The following OCA2 variants were observed in gnomAD, a reference collection of about 807,000 sequenced individuals.
OCA2 encodes the protein OCA2 melanosomal transmembrane protein.
OCA2 carries 77 observed loss-of-function variants against 100.2 expected under a neutral mutation model. The ratio of observed to expected loss-of-function variants is 0.77; its 90% CI spans 0.64 to 0.93. The LOEUF (loss-of-function observed/expected upper bound fraction) is 0.93, where lower values mean the gene tolerates loss of function less well. Ranked by LOEUF, OCA2 falls within the 40% of genes least tolerant of loss-of-function variation. The pLI is 0.00. For missense variants in OCA2, 1,062 were observed against 1,089.1 expected (o/e 0.98, Z 0.35); for synonymous variants, 432 against 439.2 (o/e 0.98, Z 0.21).
downstream of OCA2, among the ~76,000 whole-genome samples, chr15:27,753,612 A>C (rs1052571171): frequency 1.4e-4 from 22 of 151,918 alleles, no homozygotes; most frequent in East Asian, 1.4e-3. Flanking sequence ...TGGCGGGTGC[A>C]TGTAGTCCCA....
intron 22 of OCA2, among the ~76,000 whole-genome samples, chr15:27,845,971 G>A (rs538659262): frequency 1.7e-4 from 26 of 152,314 alleles, no homozygotes; most frequent in African/African-American, 4.6e-4. Context: ...TGAAGACACA[G>A]CACAGACAGG....
chr15:27,833,869 C>T (rs940253639), intron 23 of OCA2, among the ~76,000 whole-genome samples: 2 of 152,180 alleles, frequency 1.3e-5, no homozygotes, highest in Non-Finnish European at 2.9e-5. Flanking sequence ...TGCCTTCATC[C>T]GTAAACACCC....
chr15:27,990,454 G>A (rs2041515692), intron 10 of OCA2, 122 bp downstream of exon 10: 5 of 981,292 alleles, frequency 5.1e-6, no homozygotes, highest in Non-Finnish European at 8.2e-6. Context: ...TGGTTCTTGG[G>A]CAAAAACATG....
At chr15:28,079,299 G>GTT (rs58836608) in intron 2 of OCA2, among the ~76,000 whole-genome samples, 4 of 145,792 alleles carry the variant, frequency 2.7e-5, no homozygotes, top group Non-Finnish European at 6.1e-5. Context: ...TAAGATTACT[G>GTT]TTTTTTTTTT....
At chr15:27,805,252 A>C (rs1270487878) in intron 23 of OCA2, among the ~76,000 whole-genome samples, 2 of 152,244 alleles carry the variant, frequency 1.3e-5, no homozygotes, top group African/African-American at 4.8e-5. Flanking sequence ...TGCAATGCAG[A>C]GCCGCCGTCT....
chr15:27,876,647 TA>T (rs1464039553), intron 19 of OCA2, among the ~76,000 whole-genome samples: 1 of 152,048 alleles, frequency 6.6e-6, no homozygotes, highest in African/African-American at 2.4e-5. Flanking sequence ...GATTTTCTAT[TA>T]AAACGAGTCT....
rs141273654 is a variant in OCA2 at position 28,002,258 on chromosome 15, G to A, written c.1045-11611C>T. 5.2e-3 allele frequency among the ~76,000 whole-genome samples: 790 copies of A among 152,272 alleles called. 1 individual carries two copies. The highest frequency in any genetic ancestry group is 0.014 in the Middle Eastern group (4 of 294). ...CCTAACCAACTTGGATCTTTGGAAC[G>A]TAGAGGCTTGAGCTGAGGCTGGAAC... is the stretch of plus-strand genomic sequence containing the variant. On this transcript the variant is annotated intron_variant, in intron 9 of 23. Transcript: ENST00000354638.
At chr15:27,845,656 C>T (rs573696807) in intron 22 of OCA2, among the ~76,000 whole-genome samples, 1 of 151,812 alleles carries the variant, frequency 6.6e-6, no homozygotes, top group Admixed American at 6.5e-5. Flanking sequence ...TGAGATCCAA[C>T]CCCCCACACA....
At position 27,994,411 on chromosome 15, in the gene OCA2, G is replaced by A. The variant is rs141143837; in HGVS notation, c.1045-3764C>T. On this transcript the variant is annotated intron_variant, in intron 9 of 23. Transcript: ENST00000354638. ...AAGGTTGGGGACCACTGCCTTAAAG[G>A]ACTGTACAAAGGTTCTCTTCCTGCC... Among the ~76,000 whole-genome samples the A allele has an allele frequency of 1.9e-3, 292 of 152,274 alleles. 3 individuals are homozygous for A. Among genetic ancestry groups the A allele is most frequent in the African/African-American group, 6.8e-3 (281 of 41,550 alleles).
chr15:27,785,220 CA>C lies in OCA2; in HGVS notation c.2433-29749del, dbSNP rs569490400. On this transcript the variant is annotated intron_variant, in intron 23 of 23. Transcript: ENST00000354638. ...TGTCAACACAAAATTCTATGCACAGCAAAAAAAATACATTTCAAAAATAAAG... is the reference window on the plus strand; with the variant it reads ...TGTCAACACAAAATTCTATGCACAGCAAAAAAATACATTTCAAAAATAAAG... Among the ~76,000 whole-genome samples the C allele has an allele frequency of 6.1e-3, 919 of 151,538 alleles. 17 individuals carry two copies. Among genetic ancestry groups the C allele is most frequent in the African/African-American group, 0.021 (853 of 41,346 alleles).
At chr15:27,751,483 G>GA (rs1595353636), downstream of OCA2, among the ~76,000 whole-genome samples, 1 of 152,048 alleles carries the variant, frequency 6.6e-6, no homozygotes. Flanking sequence ...TCAAAAACAA[G>GA]AAAAAAATAC....
chr15:27,841,528 T>C (rs2035341991), intron 23 of OCA2, among the ~76,000 whole-genome samples: 1 of 152,206 alleles, frequency 6.6e-6, no homozygotes, highest in African/African-American at 2.4e-5. Context: ...GAAAAAGTTT[T>C]AAAAAATTAA....
intron 23 of OCA2, among the ~76,000 whole-genome samples, chr15:27,809,865 T>C (rs1034120732): frequency 2.6e-5 from 4 of 152,168 alleles, no homozygotes; most frequent in Admixed American, 6.5e-5. Flanking sequence ...AAAGAAATCA[T>C]AGATGGCACA....
chr15:27,754,071 G>C (rs2030172120), downstream of OCA2, among the ~76,000 whole-genome samples: 1 of 152,168 alleles, frequency 6.6e-6, no homozygotes, highest in Non-Finnish European at 1.5e-5. Flanking sequence ...TCCCTGGACA[G>C]GCTGTGGCAG....
intron 23 of OCA2, among the ~76,000 whole-genome samples, chr15:27,772,747 A>G (rs1276371200): frequency 6.6e-6 from 1 of 151,706 alleles, no homozygotes; most frequent in Non-Finnish European, 1.5e-5. Context: ...AGGCTGAGGC[A>G]GGAGAATCCC....
intron 14 of OCA2, among the ~76,000 whole-genome samples, chr15:27,970,138 C>T (rs757307487): frequency 1.7e-4 from 26 of 151,932 alleles, no homozygotes; most frequent in Admixed American, 3.9e-4. Flanking sequence ...AAGGAAGAGC[C>T]TCTGGCAGAG....
chr15:27,721,954 T>G, the OCA2 span, among the ~76,000 whole-genome samples: 6 of 152,232 alleles, frequency 3.9e-5, no homozygotes, highest in African/African-American at 1.4e-4. Context: ...TCTCTGCAAC[T>G]GATATTTCTT....
chr15:27,791,023 A>C (rs1482234925), intron 23 of OCA2, among the ~76,000 whole-genome samples: 1 of 152,006 alleles, frequency 6.6e-6, no homozygotes, highest in East Asian at 1.9e-4. Context: ...TCCTGGTCTC[A>C]AGCTATCCTC....
chr15:28,081,613 T>A (rs1352334168), intron 2 of OCA2, 35 bp downstream of exon 2: 1 of 1,583,398 alleles, frequency 6.3e-7, no homozygotes, highest in African/African-American at 1.3e-5. Context: ...CTGTGTGAAG[T>A]CCACATTTAC....
Sources: gnomAD v4.1 joint callset for allele counts (sites outside exome capture counted in the v4.1 genomes callset) on GRCh38, gnomAD v4.1.1 for gene constraint, MANE v1.5 for transcripts, NCBI Gene and HGNC (gene_info 2026-07-23, HGNC 2026-07-21) for gene names.